C5: variants seen among roughly 807,000 people sequenced by gnomAD.
C5 encodes the protein complement C5, also known as C3 and PZP-like alpha-2-macroglobulin domain-containing protein 4.
Under a neutral mutation model 218.8 loss-of-function variants are expected in C5, and 140 were observed. The observed-to-expected ratio is 0.64, with a 90% CI of 0.56 to 0.74. The LOEUF (loss-of-function observed/expected upper bound fraction) is 0.74. Ranked by LOEUF, C5 falls within the 30% of genes least tolerant of loss-of-function variation. C5 has a pLI of 0.00. For missense variants in C5, 1,700 were observed against 1,969.6 expected (o/e 0.86, Z 2.59); for synonymous variants, 614 against 682.3 (o/e 0.90, Z 1.56).
At position 121,002,316 on chromosome 9, in the gene C5, G is replaced by GTGTGTGTGTATATATATA. The variant is rs572345213; in HGVS notation, c.2562+3602_2562+3603insTATATATATACACACACA. Among the ~76,000 whole-genome samples the GTGTGTGTGTATATATATA allele has an allele frequency of 2.6e-3, 224 of 87,372 alleles. 13 individuals are homozygous for GTGTGTGTGTATATATATA. Among genetic ancestry groups the GTGTGTGTGTATATATATA allele is most frequent in the Admixed American group, 0.013 (94 of 7,466 alleles). The allele number at this position is 87,372 out of a possible 152,430, so 57.3% of individuals were successfully genotyped here. ...TATATATGTATATATATATGTGTGT[G>GTGTGTGTGTATATATATA]TATATATATATATATATATATATAT... On this transcript the variant is annotated intron_variant, in intron 20 of 40. Coordinates refer to ENST00000223642, the MANE Select transcript of C5 (RefSeq NM_001735.3).
intron 4 of C5, among the ~76,000 whole-genome samples, 164 bp from the exon 5 acceptor site, chr9:121,035,058 T>C (rs1275878571): frequency 6.6e-6 from 1 of 152,218 alleles, no homozygotes; most frequent in Non-Finnish European, 1.5e-5. Flanking sequence ...TTAAATGTTA[T>C]AGAAGGGAAA....
In C5 at chr9:120,981,870, T is replaced by C; in HGVS notation, c.3460A>G (p.Lys1154Glu). 6.2e-7 allele frequency: 1 copy of C among 1,613,730 alleles called. No individual in the cohort carries two copies. Among genetic ancestry groups the C allele is most frequent in the Non-Finnish European group, 8.5e-7 (1 of 1,179,678 alleles). ...LTAFTVIGIRKAFDICPLVKI... is the reference protein window; with the variant it reads ...LTAFTVIGIREAFDICPLVKI... ...ACCAGGGGGCATATATCGAAAGCCT[T>C]TCTAATTCCAATCACAGTAAAGGCT... Residue 1154 changes from lysine (K) to glutamate (E), a missense_variant, in exon 27 of 41, where the codon AAG becomes GAG. Physicochemically the swap from Lys to Glu is moderately conservative, Grantham distance 56 (BLOSUM62 1). Coordinates refer to ENST00000223642, the MANE Select transcript of C5 (RefSeq NM_001735.3).
intron 24 of C5, among the ~76,000 whole-genome samples, chr9:120,989,345 G>T (rs1363237147): frequency 6.6e-6 from 1 of 152,174 alleles, no homozygotes; most frequent in East Asian, 1.9e-4. Context: ...GAAGTGTTCT[G>T]TAGTTTGGAA....
chr9:121,057,711 G>C, the C5 span, among the ~76,000 whole-genome samples: 1 of 151,986 alleles, frequency 6.6e-6, no homozygotes, highest in African/African-American at 2.4e-5. Flanking sequence ...AAGGAAGAAA[G>C]GAAGAGAGGA....
intron 10 of C5, among the ~76,000 whole-genome samples, chr9:121,023,125 A>T (rs986364927): frequency 6.6e-6 from 1 of 152,244 alleles, no homozygotes; most frequent in Admixed American, 6.5e-5. Context: ...TTTTATTTAC[A>T]TATAATTTAA....
rs192295357 is a variant in C5, at chr9:121,030,572, A to C, written c.668-85T>G. ...AGCAAACAGCTAGACTTTCTGGTAT[A>C]GTTGGACAAGCTGTAACATCAACAC... is the stretch of plus-strand genomic sequence containing the variant. On this transcript the variant is annotated intron_variant, in intron 6 of 40. Transcript: ENST00000223642. The C allele has an allele frequency of 6.8e-6, 5 of 729,958 alleles. No homozygotes were observed. In the Admixed American group the frequency reaches 1.4e-4, roughly 20 times the overall value. 45.2% of individuals were successfully genotyped at this position (729,958 alleles called of 1,614,324 possible).
chr9:121,046,225 G>A lies in C5; in HGVS notation c.224C>T (p.Ser75Leu). ...SYSSGHVHLS[S>L]ENKFQNSAIL... Reference sequence around the variant, plus strand: ...TGCAGAGTTTTGGAATTTATTCTCTGAGGATAAATGAACATGGCCTGAGGA... The same window carrying A: ...TGCAGAGTTTTGGAATTTATTCTCTAAGGATAAATGAACATGGCCTGAGGA... The change falls in exon 2 of 41, where the codon TCA becomes TTA. Residue 75 changes from serine to leucine, a missense_variant. Coordinates refer to ENST00000223642, the MANE Select transcript of C5 (RefSeq NM_001735.3). 6.2e-7 allele frequency: 1 copy of A among 1,601,522 alleles called. No individual in the cohort carries two copies. Among genetic ancestry groups the A allele is most frequent in the Non-Finnish European group, 8.5e-7 (1 of 1,170,226 alleles).
At chr9:121,004,305 C>A (rs910128318) in intron 20 of C5, among the ~76,000 whole-genome samples, 1 of 151,880 alleles carries the variant, frequency 6.6e-6, no homozygotes, top group Non-Finnish European at 1.5e-5. Flanking sequence ...TGGAATTTTA[C>A]AATCATGAAA....
chr9:121,028,224 G>C, intron 7 of C5, among the ~76,000 whole-genome samples: 1 of 152,180 alleles, frequency 6.6e-6, no homozygotes, highest in African/African-American at 2.4e-5. Context: ...GGAGAAATAG[G>C]AACGCTTTTA....
At chr9:121,025,830 G>A (rs1564157734) in intron 8 of C5, 1 of 373,870 alleles carries the variant, frequency 2.7e-6, no homozygotes, top group Non-Finnish European at 5.0e-6. Context: ...GGTAATAGCT[G>A]ACAAACACGA....
intron 5 of C5, among the ~76,000 whole-genome samples, chr9:121,033,009 TATGG>T (rs1436307431): frequency 1.0e-5 from 1 of 99,782 alleles, no homozygotes; most frequent in African/African-American, 3.4e-5. Context: ...TCAAAAAAAC[TATGG>T]GTGTGTGTGT....
Position 121,015,199 on chromosome 9 carries a change from C to G in C5, c.2059G>C (p.Ala687Pro). The stretch of plus-strand genomic sequence containing the variant: ...TACAATCACATGAATCTTACAGTAC[C>G]TATTTCTTCTATCTTCTTTTGCAGC... Reference protein sequence around the residue: ...RTLQKKIEEIAAKYKHSVVKK... With the variant: ...RTLQKKIEEIPAKYKHSVVKK... The change falls in exon 16 of 41, where the codon GCT (alanine) becomes CCT (proline). Residue 687 changes from alanine to proline, a missense_variant and splice_region_variant. Coordinates refer to ENST00000223642, the MANE Select transcript of C5 (RefSeq NM_001735.3). The G allele has an allele frequency of 1.9e-6, 3 of 1,590,110 alleles. No homozygotes were observed. The highest frequency in any genetic ancestry group is 2.6e-6 in the Non-Finnish European group (3 of 1,159,584).
At chr9:120,994,457 C>T (rs1268195504) in intron 22 of C5, among the ~76,000 whole-genome samples, 1 of 151,972 alleles carries the variant, frequency 6.6e-6, no homozygotes, top group African/African-American at 2.4e-5. Context: ...GTGGTGAGTG[C>T]TTGTAATCCC....
intron 25 of C5, among the ~76,000 whole-genome samples, chr9:120,986,366 T>TAAAATA (rs1554720691): frequency 3.4e-5 from 5 of 146,076 alleles, no homozygotes; most frequent in Non-Finnish European, 7.5e-5. Context: ...CAATGTTCTT[T>TAAAATA]AAAAAAAAAA....
At chr9:121,071,062 C>A in the C5 span, among the ~76,000 whole-genome samples, 1 of 152,108 alleles carries the variant, frequency 6.6e-6, no homozygotes, top group African/African-American at 2.4e-5. Context: ...ACAAACCTAG[C>A]ACTTTGGGGG....
At chr9:121,003,242 G>T (rs2047186893) in intron 20 of C5, among the ~76,000 whole-genome samples, 1 of 151,816 alleles carries the variant, frequency 6.6e-6, no homozygotes, top group Admixed American at 6.6e-5. Context: ...AGTGAACCGA[G>T]ATTGTGCCAT....
intron 24 of C5, 104 bp from the exon 25 acceptor site, chr9:120,989,225 G>A: frequency 1.1e-6 from 1 of 903,122 alleles, no homozygotes; most frequent in Non-Finnish European, 1.9e-6. Context: ...TTGGTGTTGG[G>A]CAGCAAGCAT....
chr9:121,008,059 TC>T (rs1279913094), intron 18 of C5, among the ~76,000 whole-genome samples: 14 of 152,156 alleles, frequency 9.2e-5, no homozygotes, highest in Non-Finnish European at 1.5e-5. Context: ...AAACTTTTCT[TC>T]CTGTTTATTA....
At position 120,989,054 on chromosome 9, in the gene C5, A is replaced by C; in HGVS notation, c.3222T>G (p.Ala1074=). 6.2e-7 allele frequency: 1 copy of C among 1,611,922 alleles called. No homozygotes were observed. The highest frequency in any genetic ancestry group is 8.5e-7 in the Non-Finnish European group (1 of 1,177,928). ...YSYSVWKGGS[A]STWLTAFALR... ...CAAAATCTTCTACTTACCAAGTGCT[A>C]GCACTTCCACCCTTCCACACACTGT... Residue 1074 remains alanine, a synonymous_variant, in exon 25 of 41, where the codon GCT becomes GCG. Transcript: ENST00000223642.
Sources: allele counts gnomAD v4.1 joint callset (sites outside exome capture counted in the v4.1 genomes callset), GRCh38; gene constraint gnomAD v4.1.1; transcripts MANE v1.5; gene names NCBI Gene and HGNC (gene_info 2026-07-23, HGNC 2026-07-21).